The following NTM variants were observed in gnomAD, a reference collection of about 807,000 sequenced individuals.
NTM encodes neurotrimin.
A neutral mutation model predicts 42.1 loss-of-function variants in NTM; 13 were observed. The ratio of observed to expected loss-of-function variants is 0.31; its 90% CI spans 0.20 to 0.49. The LOEUF is 0.49. Among genes scored for constraint, NTM ranks in the 20% least tolerant of loss-of-function variants. The probability of loss-of-function intolerance (pLI) is 0.99; values close to 1 mark genes in which losing one functional copy is unlikely to be tolerated. For synonymous variants in NTM, 187 were observed against 179.2 expected (o/e 1.04, Z -0.35); for missense variants, 373 against 452.8 (o/e 0.82, Z 1.60).
intron 1 of NTM, among the ~76,000 whole-genome samples, chr11:131,874,554 C>A (rs894933356): frequency 6.6e-6 from 1 of 152,130 alleles, no homozygotes; most frequent in Non-Finnish European, 1.5e-5. Context: ...TTACAGGCCC[C>A]AGTTTTGAGG....
rs1324255783 is a variant in NTM at position 131,795,843 on chromosome 11, A to G, written c.83-115721A>G. 3.9e-5 allele frequency: 38 copies of G among 985,396 alleles called. No individual in the cohort carries two copies. The South Asian group carries it at 1.3e-3, about 34-fold the overall frequency. 61.0% of individuals were successfully genotyped at this position (985,396 alleles called of 1,614,324 possible). The stretch of plus-strand genomic sequence containing the variant: ...GTGATGGAATGCCTGCACCATGGCA[A>G]GAATGCACAGGGTGCTCCTGAACCA... On this transcript the variant is annotated intron_variant, in intron 1 of 8. Transcript: ENST00000683400.
At chr11:131,557,875 T>C (rs2055667932) in intron 1 of NTM, among the ~76,000 whole-genome samples, 1 of 152,192 alleles carries the variant, frequency 6.6e-6, no homozygotes, top group Admixed American at 6.5e-5. Flanking sequence ...GTCAATCATA[T>C]AACTCACTTT....
At chr11:131,833,334 C>G (rs998825717) in intron 1 of NTM, among the ~76,000 whole-genome samples, 2 of 152,192 alleles carry the variant, frequency 1.3e-5, no homozygotes, top group Non-Finnish European at 2.9e-5. Flanking sequence ...TTGGCAGACA[C>G]TTGATATGCT....
chr11:131,825,297 AC>A (rs1213724352), intron 1 of NTM, among the ~76,000 whole-genome samples: 2 of 151,876 alleles, frequency 1.3e-5, no homozygotes, highest in Non-Finnish European at 2.9e-5. Flanking sequence ...TCTTAATTTA[AC>A]TAATTACACC....
intron 3 of NTM, among the ~76,000 whole-genome samples, chr11:132,166,581 T>C (rs1391260231): frequency 6.6e-6 from 1 of 152,172 alleles, no homozygotes; most frequent in African/African-American, 2.4e-5. Flanking sequence ...GCAATCCACA[T>C]AGTAATTAGA....
At chr11:132,272,012 A>G (rs540479202) in intron 4 of NTM, among the ~76,000 whole-genome samples, 1 of 152,290 alleles carries the variant, frequency 6.6e-6, no homozygotes, top group East Asian at 1.9e-4. Context: ...TCTAAGAGTT[A>G]TAGAACTTAT....
chr11:131,669,082 C>T (rs907836856), intron 1 of NTM, among the ~76,000 whole-genome samples: 22 of 152,218 alleles, frequency 1.4e-4, no homozygotes, highest in African/African-American at 4.8e-4. Context: ...GTCCCTGTCC[C>T]GGTTTCTCTG....
At chr11:131,804,351 C>T (rs570567245) in intron 1 of NTM, among the ~76,000 whole-genome samples, 30 of 152,228 alleles carry the variant, frequency 2.0e-4, no homozygotes, top group African/African-American at 6.3e-4. Context: ...GGTTGGGGTA[C>T]GGCCACACTC....
intron 1 of NTM, among the ~76,000 whole-genome samples, chr11:131,501,746 A>T (rs1324352099): frequency 6.6e-6 from 1 of 152,130 alleles, no homozygotes; most frequent in Non-Finnish European, 1.5e-5. Flanking sequence ...GCAGAGTTGG[A>T]TATGGAGGGA....
chr11:132,075,749 G>C (rs1034948586), intron 2 of NTM, among the ~76,000 whole-genome samples: 1 of 152,118 alleles, frequency 6.6e-6, no homozygotes, highest in African/African-American at 2.4e-5. Flanking sequence ...CAAGTGCTTA[G>C]ATTAAAGGAT....
At chr11:131,427,670 C>T (rs2135884705) in intron 1 of NTM, among the ~76,000 whole-genome samples, 2 of 152,312 alleles carry the variant, frequency 1.3e-5, no homozygotes, top group South Asian at 4.1e-4. Context: ...TCTAAGTTTT[C>T]AGTTATCGTG....
chr11:131,622,252 G>A (rs377299343), intron 1 of NTM, among the ~76,000 whole-genome samples: 3 of 152,316 alleles, frequency 2.0e-5, no homozygotes, highest in African/African-American at 4.8e-5. Flanking sequence ...ACGGGTACCC[G>A]TGAGCTGGTA....
At chr11:132,026,624 TTA>T (rs2075216053) in intron 2 of NTM, among the ~76,000 whole-genome samples, 1 of 152,224 alleles carries the variant, frequency 6.6e-6, no homozygotes, top group African/African-American at 2.4e-5. Flanking sequence ...TTGGTGAGTG[TTA>T]CTAGGTTCCA....
intron 1 of NTM, among the ~76,000 whole-genome samples, chr11:131,443,930 T>G (rs1949816388): frequency 6.6e-6 from 1 of 152,098 alleles, no homozygotes; most frequent in Admixed American, 6.5e-5. Context: ...AAACTATAGT[T>G]CCAGATGACA....
At chr11:131,794,824 A>T in intron 1 of NTM, 1 of 985,400 alleles carries the variant, frequency 1.0e-6, no homozygotes, top group Non-Finnish European at 1.2e-6. Context: ...ATGCTACATT[A>T]AAGAAAAAGC....
intron 1 of NTM, among the ~76,000 whole-genome samples, chr11:131,624,480 G>C (rs1198185496): frequency 1.3e-5 from 2 of 152,072 alleles, no homozygotes; most frequent in African/African-American, 2.4e-5. Context: ...TCATAAGCCA[G>C]GGACATCACA....
At chr11:131,748,212 G>A (rs530359655) in intron 1 of NTM, among the ~76,000 whole-genome samples, 122 of 152,248 alleles carry the variant, frequency 8.0e-4, no homozygotes, top group Non-Finnish European at 1.6e-3. Flanking sequence ...GTATTGTAGT[G>A]GCAAAGTGGT....
At position 131,948,544 on chromosome 11, in the gene NTM, G is replaced by C. The variant is rs138476939; in HGVS notation, c.167+36896G>C. Among the ~76,000 whole-genome samples the C allele has an allele frequency of 5.0e-3, 759 of 152,260 alleles. 6 individuals carry two copies. Among genetic ancestry groups the C allele is most frequent in the African/African-American group, 0.017 (701 of 41,548 alleles). ...GGAGAGTGTTCCTCAAAGCTGACCT[G>C]CTTTGCTTCTAGGAGGAGTGATTGC... On this transcript the variant is annotated intron_variant, in intron 2 of 8. Transcript: ENST00000683400.
At chr11:131,875,603 T>C (rs956770308) in intron 1 of NTM, among the ~76,000 whole-genome samples, 12 of 152,228 alleles carry the variant, frequency 7.9e-5, no homozygotes, top group Non-Finnish European at 1.2e-4. Context: ...TTTTGTAGCA[T>C]TGTGAAATGT....
Sources: gnomAD v4.1 joint callset for allele counts (sites outside exome capture counted in the v4.1 genomes callset) on GRCh38, gnomAD v4.1.1 for gene constraint, MANE v1.5 for transcripts, NCBI Gene and HGNC (gene_info 2026-07-23, HGNC 2026-07-21) for gene names.